TLR6: variants seen among roughly 807,000 people sequenced by gnomAD.
TLR6 encodes the protein toll like receptor 6.
In TLR6, 9 loss-of-function variants were observed where a neutral mutation model predicts 16.1. That is an observed-to-expected ratio of 0.56 (90% CI 0.34 to 0.98). The LOEUF (loss-of-function observed/expected upper bound fraction) is 0.98. Ranked by LOEUF, TLR6 falls within the 50% of genes least tolerant of loss-of-function variation. The pLI is 0.02. For synonymous variants in TLR6, 340 were observed against 338.6 expected, an observed-to-expected ratio of 1.00 and a Z score of -0.04; for missense variants, 786 against 921.0, an observed-to-expected ratio of 0.85 and a Z score of 1.90.
chr4:38,824,146 T>C (rs1727439589), exon 2 of TLR6: 1 of 148,836 alleles, frequency 6.7e-6, no homozygotes, highest in African/African-American at 2.5e-5. Flanking sequence ...ATTTCCCGCA[T>C]GGGACCGTTT....
chr4:38,829,540 A>G lies in TLR6; in HGVS notation c.-64-3T>C. Reference sequence around the variant, plus strand: ...GCATCTTGATATGAGTCCAAATTCTAGAAATATAATATACACTAAGATTAA... The same window carrying G: ...GCATCTTGATATGAGTCCAAATTCTGGAAATATAATATACACTAAGATTAA... On this transcript the variant is annotated splice_region_variant and splice_polypyrimidine_tract_variant and intron_variant, in intron 1 of 1. Transcript: ENST00000436693. 7 of 903,310 alleles carry G rather than the reference A, an allele frequency of 7.7e-6. No homozygotes were observed. The highest frequency in any genetic ancestry group is 1.2e-5 in the Non-Finnish European group (7 of 582,290). 56.0% of individuals were successfully genotyped at this position (903,310 alleles called of 1,614,324 possible).
exon 2 of TLR6, chr4:38,824,291 G>GAGA (rs139542236): frequency 0.025 from 3,739 of 152,376 alleles, 68 homozygotes; most frequent in African/African-American, 0.027. Context: ...CTTCAGAGGA[G>GAGA]AGAAGAAGAA....
chr4:38,858,416 A>G (rs756568998), upstream of TLR6, among the ~76,000 whole-genome samples: 2 of 152,116 alleles, frequency 1.3e-5, no homozygotes, highest in Non-Finnish European at 2.9e-5. Flanking sequence ...ATATACTATG[A>G]AGTGAAGAAA....
At chr4:38,841,380 CTG>C (rs923357404) in intron 1 of TLR6, among the ~76,000 whole-genome samples, 2 of 152,146 alleles carry the variant, frequency 1.3e-5, no homozygotes, top group African/African-American at 4.8e-5. Flanking sequence ...GGCTTGAGCT[CTG>C]GGGTTTGAGA....
intron 1 of TLR6, among the ~76,000 whole-genome samples, chr4:38,853,123 C>T (rs1231448128): frequency 3.4e-5 from 5 of 148,936 alleles, no homozygotes; most frequent in Non-Finnish European, 7.4e-5. Context: ...CGTAAACTAT[C>T]GCAAGGACAA....
At chr4:38,858,780 AGAGAGAGAGAGG>A (rs1560274529), upstream of TLR6, among the ~76,000 whole-genome samples, 90 of 60,094 alleles carry the variant, frequency 1.5e-3, 1 homozygote, top group African/African-American at 9.3e-3. Flanking sequence ...AGAGAGGGAG[AGAGAGAGAGAGG>A]GAGAGAGAGA....
At chr4:38,825,368 A>T (rs1258792284) in exon 2 of TLR6, 2 of 152,274 alleles carry the variant, frequency 1.3e-5, no homozygotes. Context: ...GAAGGCATAT[A>T]GTCAGTTTCT....
At chr4:38,856,322 A>G (rs1712985766) in intron 1 of TLR6, among the ~76,000 whole-genome samples, 2 of 152,196 alleles carry the variant, frequency 1.3e-5, no homozygotes, top group East Asian at 1.9e-4. Context: ...AGACCAGCAA[A>G]CTGTTACAGT....
chr4:38,838,471 A>G (rs1368162663), intron 1 of TLR6, among the ~76,000 whole-genome samples: 5 of 152,246 alleles, frequency 3.3e-5, no homozygotes, highest in Admixed American at 6.5e-5. Context: ...GGAGGTCATT[A>G]CATTAGCAAA....
chr4:38,853,115 T>C (rs56194911), intron 1 of TLR6, among the ~76,000 whole-genome samples: 86,739 of 147,616 alleles, frequency 0.59, 26,860 homozygotes, highest in African/African-American at 0.79. Context: ...ATCATTCTCG[T>C]AAACTATCGC....
chr4:38,861,735 C>G (rs1240077259), upstream of TLR6, among the ~76,000 whole-genome samples: 1 of 152,152 alleles, frequency 6.6e-6, no homozygotes, highest in Non-Finnish European at 1.5e-5. Flanking sequence ...TCCTGTTCTC[C>G]TCTTTCACAC....
At chr4:38,828,787 T>C in exon 2 of TLR6, 1 of 1,613,930 alleles carries the variant, frequency 6.2e-7, no homozygotes, top group Non-Finnish European at 8.5e-7. Context: ...CATCATTCAA[T>C]TTAATATTAG....
At chr4:38,863,718 C>T in the TLR6 span, among the ~76,000 whole-genome samples, 1 of 152,124 alleles carries the variant, frequency 6.6e-6, no homozygotes, top group Non-Finnish European at 1.5e-5. Flanking sequence ...CTCATGTCCC[C>T]CACTACTCCC....
exon 2 of TLR6, chr4:38,823,815 C>T (rs1579232506): frequency 6.6e-6 from 1 of 152,222 alleles, no homozygotes; most frequent in East Asian, 1.9e-4. Flanking sequence ...CAATGGGCCC[C>T]GTGGGACGAG....
chr4:38,829,080 C>A, exon 2 of TLR6: 1 of 1,614,156 alleles, frequency 6.2e-7, no homozygotes, highest in Non-Finnish European at 8.5e-7. Flanking sequence ...GCCTTGAAAT[C>A]ATTGAATGAG....
rs5743807 is a variant in TLR6 at position 38,829,501 on chromosome 4, T to C, written c.-28A>G. On this transcript the variant is annotated 5_prime_UTR_variant, in exon 2 of 2. Transcript: ENST00000436693. ...TGTTGCAGTGGCTATCCTAAAGGGT[T>C]GTTCTTCTTCAGAGCATCTTGATAT... 59 of 1,444,528 alleles carry C rather than the reference T, an allele frequency of 4.1e-5. No individual in the cohort carries two copies. The East Asian group carries it at 8.2e-4, about 20-fold the overall frequency. The allele number at this position is 1,444,528 out of a possible 1,614,324, so 89.5% of individuals were successfully genotyped here. A position where few individuals can be genotyped will look rare whatever the true frequency, so the allele number is the denominator to read the frequency against.
intron 1 of TLR6, among the ~76,000 whole-genome samples, chr4:38,839,156 G>T (rs965134558): frequency 1.3e-4 from 18 of 141,780 alleles, no homozygotes; most frequent in African/African-American, 4.4e-4. Context: ...GAGGGAAGGG[G>T]GGGAAGATCC....
At chr4:38,853,217 CTGGGG>C in intron 1 of TLR6, among the ~76,000 whole-genome samples, 1 of 123,354 alleles carries the variant, frequency 8.1e-6, no homozygotes, top group East Asian at 2.4e-4. Flanking sequence ...ACATAACACA[CTGGGG>C]CCTGTCGTGG....
chr4:38,841,651 T>C (rs1469637327), intron 1 of TLR6, among the ~76,000 whole-genome samples: 1 of 152,216 alleles, frequency 6.6e-6, no homozygotes, highest in Non-Finnish European at 1.5e-5. Flanking sequence ...ATAAAATTTC[T>C]CAAGCTCTCA....
Sources: allele counts gnomAD v4.1 joint callset (sites outside exome capture counted in the v4.1 genomes callset), GRCh38; gene constraint gnomAD v4.1.1; transcripts MANE v1.5; gene names NCBI Gene and HGNC (gene_info 2026-07-23, HGNC 2026-07-21).